ALDH3A2: variants seen among roughly 807,000 people sequenced by gnomAD.
ALDH3A2 encodes aldehyde dehydrogenase family 3 member A2.
A neutral mutation model predicts 51.3 loss-of-function variants in ALDH3A2; 36 were observed. That is an observed-to-expected ratio of 0.70 (90% CI 0.54 to 0.93). The LOEUF is 0.93. Among genes scored for constraint, ALDH3A2 ranks in the 40% least tolerant of loss-of-function variants. The pLI is 0.00. For synonymous variants in ALDH3A2, 199 were observed against 219.8 expected, an observed-to-expected ratio of 0.91 and a Z score of 0.84; for missense variants, 552 against 603.1, an observed-to-expected ratio of 0.92 and a Z score of 0.89.
rs1371653835 is a variant in ALDH3A2 at position 19,658,587 on chromosome 17, G to C, written c.798+725G>C. 2.0e-5 allele frequency among the ~76,000 whole-genome samples: 3 copies of C among 151,826 alleles called. 1 individual carries two copies. The South Asian group carries it at 6.2e-4, about 32-fold the overall frequency. ...TAAAAATACAAAAAAATCAGCCGGG[G>C]ATGGTGGTGCATGTCTGTAATTCCA... On this transcript the variant is annotated intron_variant, in intron 5 of 9. Transcript: ENST00000176643.
Position 19,654,623 on chromosome 17 carries a change from T to G in ALDH3A2, c.472-1743T>G, listed in dbSNP as rs977769634. Among the ~76,000 whole-genome samples the G allele has an allele frequency of 5.1e-4, 77 of 152,076 alleles. No homozygotes were observed. The highest frequency in any genetic ancestry group is 1.8e-3 in the African/African-American group (76 of 41,436). On this transcript the variant is annotated intron_variant, in intron 3 of 9. Transcript: ENST00000176643. This position sits in a 1 kb window ranked among gnomAD's most constrained non-coding sequence, Gnocchi z 4.5. ...CAGCTGCTCCGAGTGTGGGGCCCAT[T>G]GAGCCTGCGCCCACCCAGAACTCGC...
At chr17:19,660,597 G>C (rs2084953589) in intron 5 of ALDH3A2, among the ~76,000 whole-genome samples, 2 of 152,338 alleles carry the variant, frequency 1.3e-5, no homozygotes, top group East Asian at 3.9e-4. Flanking sequence ...TCACCATCAT[G>C]TGTAAGTGGT....
intron 3 of ALDH3A2, among the ~76,000 whole-genome samples, chr17:19,653,742 A>G (rs2084852774): frequency 6.6e-6 from 1 of 152,214 alleles, no homozygotes; most frequent in Non-Finnish European, 1.5e-5. Flanking sequence ...GACTGAAAGA[A>G]CAAAGCTTCC....
chr17:19,658,089 GTT>G, intron 5 of ALDH3A2, among the ~76,000 whole-genome samples: 1 of 152,326 alleles, frequency 6.6e-6, no homozygotes, highest in South Asian at 2.1e-4. Flanking sequence ...TAGTTGATTT[GTT>G]GATGATTAGT....
chr17:19,657,357 G>A (rs1263027959), intron 4 of ALDH3A2, among the ~76,000 whole-genome samples: 1 of 152,244 alleles, frequency 6.6e-6, no homozygotes, highest in African/African-American at 2.4e-5. Flanking sequence ...TGCAGGCAGA[G>A]CCAAAAGCCA....
chr17:19,657,336 C>T (rs190184392), intron 4 of ALDH3A2, among the ~76,000 whole-genome samples: 67 of 152,358 alleles, frequency 4.4e-4, no homozygotes, highest in Non-Finnish European at 2.9e-5. Flanking sequence ...CTGCTTTATA[C>T]CTGAACATCT....
At chr17:19,651,505 C>A in intron 1 of ALDH3A2, 42 bp from the exon 2 acceptor site, 1 of 1,522,786 alleles carries the variant, frequency 6.6e-7, no homozygotes, top group Non-Finnish European at 9.1e-7. Context: ...CCAAGTGTAT[C>A]ATACTTACTC....
intron 6 of ALDH3A2, chr17:19,662,024 A>G (rs1257950155): frequency 6.6e-6 from 1 of 152,048 alleles, no homozygotes; most frequent in Non-Finnish European, 1.5e-5. Context: ...TAGGATGCAA[A>G]AGAAAACAAT....
chr17:19,660,233 C>G (rs1220856133), intron 5 of ALDH3A2, among the ~76,000 whole-genome samples: 1 of 152,088 alleles, frequency 6.6e-6, no homozygotes, highest in Non-Finnish European at 1.5e-5. Context: ...AACAAGTTTG[C>G]AAGCCTTACC....
At chr17:19,661,444 G>A (rs190836657) in intron 6 of ALDH3A2, 176 bp downstream of exon 6, 2 of 735,574 alleles carry the variant, frequency 2.7e-6, no homozygotes, top group East Asian at 5.6e-5. Context: ...TAAAATGTCT[G>A]TGTTTCTGTG....
intron 8 of ALDH3A2, among the ~76,000 whole-genome samples, chr17:19,667,149 ATATTC>A (rs1393552377): frequency 6.6e-6 from 1 of 152,294 alleles, no homozygotes; most frequent in Admixed American, 6.5e-5. Context: ...GGTCATCTGA[ATATTC>A]TATTCAAAAA....
At chr17:19,669,555 T>A (rs2085084163) in intron 8 of ALDH3A2, among the ~76,000 whole-genome samples, 1 of 152,190 alleles carries the variant, frequency 6.6e-6, no homozygotes, top group Non-Finnish European at 1.5e-5. Context: ...TTACAGTAGT[T>A]GTACAGTTAG....
intron 3 of ALDH3A2, 106 bp from the exon 4 acceptor site, chr17:19,656,260 T>A (rs1425346003): frequency 1.9e-6 from 2 of 1,057,142 alleles, no homozygotes; most frequent in Non-Finnish European, 2.9e-6. Flanking sequence ...GTCTTGACAC[T>A]CTCTGGGTTT....
In ALDH3A2 at chr17:19,652,412, A is replaced by T. The variant is rs1004490; in HGVS notation, c.386-135A>T. 0.31 allele frequency: 211,674 copies of T among 689,822 alleles called. 34,958 individuals are homozygous for T. Among genetic ancestry groups the T allele is most frequent in the East Asian group, 0.47 (17,614 of 37,612 alleles). 42.7% of individuals were successfully genotyped at this position (689,822 alleles called of 1,614,324 possible). A position where few individuals can be genotyped will look rare whatever the true frequency, so the allele number is the denominator to read the frequency against. ...GAAAGTGAGATGAGCTCTTATGCTAATTATGAGGATATGCAGCATTGAGAG... is the reference window on the plus strand; with the variant it reads ...GAAAGTGAGATGAGCTCTTATGCTATTTATGAGGATATGCAGCATTGAGAG... On this transcript the variant is annotated intron_variant, in intron 2 of 9. Coordinates refer to ENST00000176643, the MANE Select transcript of ALDH3A2 (RefSeq NM_000382.3).
intron 5 of ALDH3A2, 81 bp from the exon 6 acceptor site, chr17:19,661,046 G>A: frequency 1.5e-6 from 2 of 1,364,818 alleles, no homozygotes; most frequent in Admixed American, 3.5e-5. Flanking sequence ...GATTGATTTT[G>A]GGGCATGGCT....
chr17:19,662,897 C>T (rs531835809), intron 6 of ALDH3A2, among the ~76,000 whole-genome samples: 30 of 151,986 alleles, frequency 2.0e-4, no homozygotes, highest in African/African-American at 6.8e-4. Context: ...CCCAGCTACT[C>T]GGGAGGCTGA....
chr17:19,671,780 C>T lies in ALDH3A2; in HGVS notation c.1267C>T (p.Arg423Cys), dbSNP rs370654268. The stretch of plus-strand genomic sequence containing the variant: ...TAGTTTTGATACTTTTTCTCATCAG[C>T]GTCCCTGTTTATTAAAAAGTTTAAA... ...KHSFDTFSHQ[R>C]PCLLKSLKRE... Residue 423 changes from arginine (R) to cysteine (C), a missense_variant, in exon 9 of 10, where the codon CGT becomes TGT. By Grantham distance (180) the Arg-to-Cys change is radical. Transcript: ENST00000176643. 1.1e-5 allele frequency: 17 copies of T among 1,614,000 alleles called. No individual in the cohort carries two copies. Among genetic ancestry groups the T allele is most frequent in the East Asian group, 6.7e-5 (3 of 44,892 alleles).
At chr17:19,650,528 A>G (rs2084801348) in intron 1 of ALDH3A2, among the ~76,000 whole-genome samples, 1 of 151,744 alleles carries the variant, frequency 6.6e-6, no homozygotes, top group South Asian at 2.1e-4. Context: ...CTTTTGGCTC[A>G]CTGCAAGCTC....
At chr17:19,661,011 T>C in intron 5 of ALDH3A2, 116 bp from the exon 6 acceptor site, 1 of 1,034,564 alleles carries the variant, frequency 9.7e-7, no homozygotes, top group Non-Finnish European at 1.5e-6. Flanking sequence ...GGTGGGGTGT[T>C]AGATTCTGTG....
Sources: gnomAD v4.1 joint callset for allele counts (sites outside exome capture counted in the v4.1 genomes callset) on GRCh38, gnomAD v4.1.1 for gene constraint, Gnocchi (gnomAD v3.1) non-coding constraint, MANE v1.5 for transcripts, NCBI Gene and HGNC (gene_info 2026-07-23, HGNC 2026-07-21) for gene names.